The following WNT4 variants were observed in gnomAD, a reference collection of about 807,000 sequenced individuals.
The protein encoded by WNT4 is Wnt family member 4, also known as protein Wnt-4.
In WNT4, 16 loss-of-function variants were observed where a neutral mutation model predicts 34.5. The ratio of observed to expected loss-of-function variants is 0.46; its 90% CI spans 0.31 to 0.70. WNT4 has a LOEUF of 0.70. WNT4 is among the 30% of genes least tolerant of loss of function. The pLI, the probability that WNT4 is intolerant of heterozygous loss-of-function variation, is 0.04. For synonymous variants in WNT4, 200 were observed against 211.9 expected (o/e 0.94, Z 0.49); for missense variants, 379 against 495.9 (o/e 0.76, Z 2.24).
At chr1:22,138,349 G>A (rs1646037773) in intron 1 of WNT4, among the ~76,000 whole-genome samples, 1 of 152,076 alleles carries the variant, frequency 6.6e-6, no homozygotes. Flanking sequence ...GTTCAAATGG[G>A]TAATGGTTGT....
At position 22,139,490 on chromosome 1, in the gene WNT4, C is replaced by T. The variant is rs1646049158; in HGVS notation, c.77+3356G>A. The stretch of plus-strand genomic sequence containing the variant: ...ACCCACTTCTTGGCCATGCCGCCGG[C>T]CTGCCTCTGAGTGCAGCGTGGTCCC... On this transcript the variant is annotated intron_variant, in intron 1 of 4. Coordinates refer to ENST00000290167, the MANE Select transcript of WNT4 (RefSeq NM_030761.5). The surrounding 1 kb of genome is among the most constrained non-coding windows in gnomAD (Gnocchi z 4.6). Among the ~76,000 whole-genome samples, 1 of 152,194 alleles carries T rather than the reference C, an allele frequency of 6.6e-6. No individual in the cohort carries two copies. Among genetic ancestry groups the T allele is most frequent in the South Asian group, 2.1e-4 (1 of 4,832 alleles).
At chr1:22,121,089 G>A (rs946356581) in intron 4 of WNT4, 122 bp downstream of exon 4, 1 of 1,494,068 alleles carries the variant, frequency 6.7e-7, no homozygotes, top group Non-Finnish European at 9.0e-7. Context: ...GCCTACAGAA[G>A]GTGCCAGGTG....
rs1646058761 is a variant in WNT4, at chr1:22,140,580, TG to T, written c.77+2265del. On this transcript the variant is annotated intron_variant, in intron 1 of 4. Transcript: ENST00000290167. The surrounding 1 kb of genome is among the most constrained non-coding windows in gnomAD (Gnocchi z 5.9). ...ACTCCAGGCTTGTGGGAGGCCAGGC[TG>T]TGACATCCATTTCCCCCAGAGCTGC... is the stretch of plus-strand genomic sequence containing the variant. 6.6e-6 allele frequency among the ~76,000 whole-genome samples: 1 copy of T among 152,224 alleles called. No homozygotes were observed. The highest frequency in any genetic ancestry group is 2.1e-4 in the South Asian group (1 of 4,828).
chr1:22,141,652 C>T (rs912228015), intron 1 of WNT4, among the ~76,000 whole-genome samples: 17 of 152,200 alleles, frequency 1.1e-4, no homozygotes, highest in Admixed American at 9.8e-4. Context: ...ACATCACCTC[C>T]GTCCCCCAAG....
At position 22,120,531 on chromosome 1, in the gene WNT4, T is replaced by TG. The variant is rs1260485564; in HGVS notation, c.589-15dup. 14 of 1,599,126 alleles carry TG rather than the reference T, an allele frequency of 8.8e-6. No individual in the cohort carries two copies. In the African/African-American group the frequency reaches 1.6e-4, roughly 19 times the overall value. ...TGTCAGGATGGCCTGTGGGAGAGGG[T>TG]GGGGGAGAGGGGCCATCAGGAGATG... On this transcript the variant is annotated splice_polypyrimidine_tract_variant and intron_variant, in intron 4 of 4. Transcript: ENST00000290167.
At chr1:22,136,657 G>C (rs894828184) in intron 1 of WNT4, among the ~76,000 whole-genome samples, 1 of 152,056 alleles carries the variant, frequency 6.6e-6, no homozygotes, top group Non-Finnish European at 1.5e-5. Context: ...CAGCGGCTGC[G>C]GGAACAGCTC....
In WNT4 at chr1:22,137,192, AG is replaced by A. The variant is rs1307736106; in HGVS notation, c.77+5653del. ...CCTCCTCTGCGGGGTCTGACTTGGC[AG>A]GGAACTTTCAGAACACAGTTTGGTT... On this transcript the variant is annotated intron_variant, in intron 1 of 4. Transcript: ENST00000290167. This position sits in a 1 kb window ranked among gnomAD's most constrained non-coding sequence, Gnocchi z 5.3. 6.6e-6 allele frequency among the ~76,000 whole-genome samples: 1 copy of A among 152,154 alleles called. No homozygotes were observed. The highest frequency in any genetic ancestry group is 1.5e-5 in the Non-Finnish European group (1 of 68,022).
At position 22,118,894 on chromosome 1, in the gene WNT4, T is replaced by C. The variant is rs1321227985; in HGVS notation, c.*1156A>G. ...GAGCACTGCCGTCTCTGATGTCAGA[T>C]GGGCATTAGCATTCTTGGTTTGTCT... On this transcript the variant is annotated 3_prime_UTR_variant, in exon 5 of 5. Coordinates refer to ENST00000290167, the MANE Select transcript of WNT4 (RefSeq NM_030761.5). 2 of 152,262 alleles carry C rather than the reference T, an allele frequency of 1.3e-5. No homozygotes were observed. The highest frequency in any genetic ancestry group is 2.9e-5 in the Non-Finnish European group (2 of 68,112). The allele number at this position is 152,262 out of a possible 1,614,324, so 9.4% of individuals were successfully genotyped here.
intron 3 of WNT4, 27 bp downstream of exon 3, chr1:22,121,417 TC>T (rs1356797381): frequency 1.9e-6 from 3 of 1,613,726 alleles, no homozygotes; most frequent in Non-Finnish European, 2.5e-6. Context: ...CCCCCTGCCC[TC>T]CCACTCTGAC....
rs1402528806 is a variant in WNT4 at position 22,139,963 on chromosome 1, C to T, written c.77+2883G>A. Among the ~76,000 whole-genome samples, 1 of 152,252 alleles carries T rather than the reference C, an allele frequency of 6.6e-6. No homozygotes were observed. The highest frequency in any genetic ancestry group is 1.5e-5 in the Non-Finnish European group (1 of 68,044). On this transcript the variant is annotated intron_variant, in intron 1 of 4. Coordinates refer to ENST00000290167, the MANE Select transcript of WNT4 (RefSeq NM_030761.5). The surrounding 1 kb of genome is among the most constrained non-coding windows in gnomAD (Gnocchi z 4.6). ...AGCTTCTCTGGGCCTGCCCAGGCCT[C>T]AGGCTGCCCTCCCAGCTCCAGGCTC...
chr1:22,141,562 G>T (rs990619171), intron 1 of WNT4, among the ~76,000 whole-genome samples: 6 of 152,096 alleles, frequency 3.9e-5, no homozygotes, highest in South Asian at 2.1e-4. Flanking sequence ...TCAAATTAAG[G>T]CTCCAAGAAA....
rs961391974 is a variant in WNT4 at position 22,137,626 on chromosome 1, C to T, written c.77+5220G>A. Among the ~76,000 whole-genome samples, 2 of 152,242 alleles carry T rather than the reference C, an allele frequency of 1.3e-5. No homozygotes were observed. Among genetic ancestry groups the T allele is most frequent in the African/African-American group, 4.8e-5 (2 of 41,470 alleles). Reference sequence around the variant, plus strand: ...GGAGCACTGTCTTGTCAGATGCTTGCTGTGTTGCTCAATTGCTAATCCAGG... The same window carrying T: ...GGAGCACTGTCTTGTCAGATGCTTGTTGTGTTGCTCAATTGCTAATCCAGG... On this transcript the variant is annotated intron_variant, in intron 1 of 4. Coordinates refer to ENST00000290167, the MANE Select transcript of WNT4 (RefSeq NM_030761.5). The surrounding 1 kb of genome is among the most constrained non-coding windows in gnomAD (Gnocchi z 5.3).
At position 22,121,458 on chromosome 1, in the gene WNT4, C is replaced by A; in HGVS notation, c.432G>T (p.Gly144=). 6.2e-7 allele frequency: 1 copy of A among 1,614,016 alleles called. No individual in the cohort carries two copies. The highest frequency in any genetic ancestry group is 8.5e-7 in the Non-Finnish European group (1 of 1,180,012). ...TCCTGCACCTACCCTGTGGGCTGAC[C>A]CCATGCACTGTCCTGTCACAGCCGC... ...EKCGCDRTVH[G]VSPQGFQWSG... is the part of the protein sequence containing the mutation. The change falls in exon 3 of 5, where the codon GGG becomes GGT. Residue 144 remains glycine, a synonymous_variant. Transcript: ENST00000290167.
chr1:22,131,085 A>G (rs1645980211), intron 1 of WNT4, among the ~76,000 whole-genome samples: 1 of 152,240 alleles, frequency 6.6e-6, no homozygotes, highest in South Asian at 2.1e-4. Flanking sequence ...TGAACCTGGC[A>G]TTTGCCTGGC....
intron 2 of WNT4, among the ~76,000 whole-genome samples, chr1:22,122,602 C>T (rs909132056): frequency 1.3e-5 from 2 of 152,154 alleles, no homozygotes; most frequent in South Asian, 2.1e-4. Context: ...CCTCCTGGGC[C>T]CTGTGAGGAG....
chr1:22,128,254 C>T lies in WNT4; in HGVS notation c.313+1362G>A, dbSNP rs950068061. On this transcript the variant is annotated intron_variant, in intron 2 of 4. Transcript: ENST00000290167. ...TGGTTTGCTACAAGCCCAGCAGCCC[C>T]GGCCGTCCAGGACCACAGGTGTCAG... 2.6e-5 allele frequency among the ~76,000 whole-genome samples: 4 copies of T among 152,344 alleles called. No individual in the cohort carries two copies. The East Asian group carries it at 5.8e-4, about 22-fold the overall frequency.
chr1:22,133,654 A>G (rs1422574611), intron 1 of WNT4, among the ~76,000 whole-genome samples: 1 of 152,146 alleles, frequency 6.6e-6, no homozygotes, highest in Non-Finnish European at 1.5e-5. Flanking sequence ...AGGCTTAGCA[A>G]TTTGCCACCT....
chr1:22,125,519 A>C (rs1645933584), intron 2 of WNT4, among the ~76,000 whole-genome samples: 1 of 152,202 alleles, frequency 6.6e-6, no homozygotes, highest in Non-Finnish European at 1.5e-5. Flanking sequence ...GTGGTGCCAC[A>C]GTCAGGAAGG....
chr1:22,122,351 C>G (rs1645906268), intron 2 of WNT4, among the ~76,000 whole-genome samples: 1 of 152,090 alleles, frequency 6.6e-6, no homozygotes, highest in African/African-American at 2.4e-5. Flanking sequence ...AGTCACCCAG[C>G]CAGAGAGCCA....
Sources: allele counts gnomAD v4.1 joint callset (sites outside exome capture counted in the v4.1 genomes callset), GRCh38; gene constraint gnomAD v4.1.1; non-coding constraint Gnocchi (gnomAD v3.1); transcripts MANE v1.5; gene names NCBI Gene and HGNC (gene_info 2026-07-23, HGNC 2026-07-21).